The following IFT81 variants were observed in gnomAD, a reference collection of about 807,000 sequenced individuals.
IFT81 encodes the protein intraflagellar transport protein 81 homolog.
IFT81 carries 72 observed loss-of-function variants against 102.6 expected under a neutral mutation model. The ratio of observed to expected loss-of-function variants is 0.70; its 90% CI spans 0.58 to 0.85. The LOEUF is 0.85. IFT81 is among the 40% of genes least tolerant of loss of function. IFT81 has a pLI of 0.00. For synonymous variants in IFT81, 237 were observed against 242.7 expected (o/e 0.98, Z 0.22); for missense variants, 723 against 787.3 (o/e 0.92, Z 0.98).
At chr12:110,164,517 C>G (rs796211021) in intron 11 of IFT81, among the ~76,000 whole-genome samples, 8 of 152,028 alleles carry the variant, frequency 5.3e-5, no homozygotes, top group African/African-American at 1.9e-4. Context: ...CTACTCTTGT[C>G]CAAACCTCAT....
At chr12:110,148,122 G>A (rs1009663381) in intron 10 of IFT81, among the ~76,000 whole-genome samples, 12 of 151,798 alleles carry the variant, frequency 7.9e-5, no homozygotes, top group African/African-American at 1.7e-4. Context: ...TCTTCCCATC[G>A]ATTTATCTAT....
At chr12:110,202,800 C>G (rs1390995574) in intron 14 of IFT81, among the ~76,000 whole-genome samples, 2 of 152,132 alleles carry the variant, frequency 1.3e-5, no homozygotes, top group African/African-American at 4.8e-5. Flanking sequence ...TACTTGTTCT[C>G]CCTGAACTTT....
chr12:110,166,056 T>C (rs1387364669), intron 11 of IFT81, among the ~76,000 whole-genome samples: 2 of 152,192 alleles, frequency 1.3e-5, no homozygotes, highest in Non-Finnish European at 2.9e-5. Flanking sequence ...TTGGACGAGT[T>C]CCTTACCCTC....
chr12:110,193,659 T>G (rs774102969), intron 14 of IFT81, among the ~76,000 whole-genome samples: 16 of 152,214 alleles, frequency 1.1e-4, no homozygotes, highest in Non-Finnish European at 1.9e-4. Context: ...AAAAATACAT[T>G]ATGACACTTT....
intron 14 of IFT81, 90 bp downstream of exon 14, chr12:110,192,796 T>C (rs1188848922): frequency 7.3e-6 from 5 of 686,836 alleles, no homozygotes; most frequent in Non-Finnish European, 1.3e-5. Context: ...CCCTGGATAT[T>C]TTACTTGGGT....
chr12:110,128,631 A>T (rs1375906711), intron 3 of IFT81, among the ~76,000 whole-genome samples: 1 of 151,548 alleles, frequency 6.6e-6, no homozygotes. Flanking sequence ...CTCTACAAAA[A>T]ATACAACAAC....
chr12:110,176,304 T>TATGCAACCTTACTGGCACCTCC (rs1418718467), intron 11 of IFT81, among the ~76,000 whole-genome samples: 3 of 152,186 alleles, frequency 2.0e-5, no homozygotes, highest in African/African-American at 7.2e-5. Flanking sequence ...GCCATGCCTC[T>TATGCAACCTTACTGGCACCTCC]ATGCAACCTT....
At chr12:110,173,394 C>T (rs1896878025) in intron 11 of IFT81, among the ~76,000 whole-genome samples, 1 of 151,748 alleles carries the variant, frequency 6.6e-6, no homozygotes, top group Non-Finnish European at 1.5e-5. Context: ...TGAGGGGCGC[C>T]TCTGCCCGGC....
intron 10 of IFT81, among the ~76,000 whole-genome samples, chr12:110,149,546 G>C (rs549202747): frequency 6.6e-6 from 1 of 152,168 alleles, no homozygotes; most frequent in South Asian, 2.1e-4. Context: ...TTGGTGTACC[G>C]GAAGAACGGA....
intron 11 of IFT81, among the ~76,000 whole-genome samples, chr12:110,166,561 C>G (rs1896446215): frequency 6.6e-6 from 1 of 151,892 alleles, no homozygotes; most frequent in Non-Finnish European, 1.5e-5. Context: ...CTAATTCATC[C>G]TCTCAGAAAG....
chr12:110,157,014 ATT>A (rs200174665), intron 10 of IFT81, among the ~76,000 whole-genome samples: 3 of 130,978 alleles, frequency 2.3e-5, no homozygotes, highest in Non-Finnish European at 1.7e-5. Flanking sequence ...TGACAGTTTG[ATT>A]TTTTTTTTTT....
At chr12:110,136,735 C>A (rs781140896) in intron 7 of IFT81, 41 bp from the exon 8 acceptor site, 2 of 1,218,792 alleles carry the variant, frequency 1.6e-6, no homozygotes, top group Non-Finnish European at 2.4e-6. Context: ...AGGTAAGCTT[C>A]AGTAGACTAA....
At chr12:110,155,230 A>G (rs1208335601) in intron 10 of IFT81, among the ~76,000 whole-genome samples, 2 of 152,020 alleles carry the variant, frequency 1.3e-5, no homozygotes, top group Non-Finnish European at 2.9e-5. Context: ...ATCTTTTTCT[A>G]TCCTTTCACT....
chr12:110,178,632 T>C (rs542515281), intron 11 of IFT81, among the ~76,000 whole-genome samples: 4 of 142,244 alleles, frequency 2.8e-5, no homozygotes, highest in South Asian at 4.8e-4. Context: ...TTTTTTTTTT[T>C]TGAGATGGAG....
intron 18 of IFT81, among the ~76,000 whole-genome samples, chr12:110,213,973 C>T (rs940855721): frequency 3.9e-5 from 6 of 151,912 alleles, no homozygotes; most frequent in African/African-American, 1.5e-4. Context: ...TGAAATTAGC[C>T]ATTTCTCTAA....
chr12:110,156,870 G>A (rs1895869050), intron 10 of IFT81, among the ~76,000 whole-genome samples: 1 of 152,084 alleles, frequency 6.6e-6, no homozygotes, highest in Admixed American at 6.6e-5. Flanking sequence ...TTAGCATCTT[G>A]ATATATTATC....
chr12:110,153,142 A>G (rs1895636381), intron 10 of IFT81, among the ~76,000 whole-genome samples: 1 of 152,168 alleles, frequency 6.6e-6, no homozygotes, highest in East Asian at 1.9e-4. Flanking sequence ...GCTGTTCCCT[A>G]ACAGTAATAC....
At chr12:110,132,995 G>A (rs1360236660) in intron 5 of IFT81, among the ~76,000 whole-genome samples, 1 of 143,336 alleles carries the variant, frequency 7.0e-6, no homozygotes, top group Non-Finnish European at 1.5e-5. Context: ...TTTTGAGACA[G>A]GGTCTCACTC....
At chr12:110,156,059 C>G (rs117242964) in intron 10 of IFT81, among the ~76,000 whole-genome samples, 420 of 152,296 alleles carry the variant, frequency 2.8e-3, no homozygotes, top group Non-Finnish European at 5.0e-3. Context: ...GCATTAATCT[C>G]TTAAATTATA....
Sources: allele counts gnomAD v4.1 joint callset (sites outside exome capture counted in the v4.1 genomes callset), GRCh38; gene constraint gnomAD v4.1.1; transcripts MANE v1.5; gene names NCBI Gene and HGNC (gene_info 2026-07-23, HGNC 2026-07-21).